MYOF: variants seen among roughly 807,000 people sequenced by gnomAD.
MYOF encodes the protein fer-1-like 3, myoferlin.
A neutral mutation model predicts 284.2 loss-of-function variants in MYOF; 244 were observed. The observed-to-expected ratio is 0.86, with a 90% CI of 0.77 to 0.95. MYOF has a LOEUF of 0.95. MYOF is among the 40% of genes least tolerant of loss of function. The pLI, the probability that MYOF is intolerant of heterozygous loss-of-function variation, is 0.00. For synonymous variants in MYOF, 904 were observed against 919.7 expected (o/e 0.98, Z 0.31); for missense variants, 2,496 against 2,560.6 (o/e 0.97, Z 0.54).
chr10:93,362,099 G>A (rs953142202), intron 27 of MYOF, among the ~76,000 whole-genome samples: 8 of 151,528 alleles, frequency 5.3e-5, no homozygotes, highest in Non-Finnish European at 1.2e-4. Flanking sequence ...ACAGGTGTGC[G>A]CCACCATGCC....
chr10:93,354,666 A>ACTCTCTCTCTCTCTCTCTCT (rs140255016), intron 31 of MYOF, among the ~76,000 whole-genome samples: 4,051 of 118,472 alleles, frequency 0.034, 181 homozygotes, highest in Non-Finnish European at 0.052. Context: ...TCACACATTC[A>ACTCTCTCTCTCTCTCTCTCT]CTCTCTCTCT....
chr10:93,321,762 A>G (rs1266119999), intron 48 of MYOF, among the ~76,000 whole-genome samples: 1 of 152,200 alleles, frequency 6.6e-6, no homozygotes, highest in Non-Finnish European at 1.5e-5. Flanking sequence ...AAGACAAGTC[A>G]AACAGCTCCT....
Position 93,389,294 on chromosome 10 carries a change from A to G in MYOF, c.1457-140T>C, listed in dbSNP as rs868638734. 178 of 905,004 alleles carry G rather than the reference A, an allele frequency of 2.0e-4. 2 individuals are homozygous for G. The Middle Eastern group carries it at 3.4e-3, about 17-fold the overall frequency. The allele number at this position is 905,004 out of a possible 1,614,324, so 56.1% of individuals were successfully genotyped here. A position where few individuals can be genotyped will look rare whatever the true frequency, so the allele number is the denominator to read the frequency against. The stretch of plus-strand genomic sequence containing the variant: ...TGTATTAATGCAAGTTGTAAGCACC[A>G]TGAGGTTTGCCATATTTCTCTTTTC... On this transcript the variant is annotated intron_variant, in intron 17 of 53. Transcript: ENST00000359263.
rs969658025 is a variant in MYOF, at chr10:93,401,470, G to A, written c.1065C>T (p.Leu355=). 6.2e-7 allele frequency: 1 copy of A among 1,614,032 alleles called. No homozygotes were observed. Among genetic ancestry groups the A allele is most frequent in the African/African-American group, 1.3e-5 (1 of 74,908 alleles). The change falls in exon 12 of 54, where the codon CTC becomes CTT. Residue 355 remains leucine, a synonymous_variant. Coordinates refer to ENST00000359263, the MANE Select transcript of MYOF (RefSeq NM_013451.4). The part of the protein sequence containing the change: ...SNLLLPAGIA[L]RWVTFLLKIY... ...TTTTCAGCAAGAAGGTCACCCACCG[G>A]AGGGCAATGCCAGCAGGGAGTAACA...
chr10:93,439,389 G>T (rs934591718), intron 3 of MYOF, among the ~76,000 whole-genome samples: 5 of 152,166 alleles, frequency 3.3e-5, no homozygotes, highest in African/African-American at 7.2e-5. Context: ...TTCTGTGCCT[G>T]CCTGCCTGCC....
intron 17 of MYOF, among the ~76,000 whole-genome samples, chr10:93,390,445 CTTGG>C (rs1304159465): frequency 6.6e-6 from 1 of 152,144 alleles, no homozygotes; most frequent in Non-Finnish European, 1.5e-5. Flanking sequence ...AAGGTTGAGA[CTTGG>C]TAACAGCCTA....
chr10:93,354,195 G>A (rs1380596934), intron 31 of MYOF, among the ~76,000 whole-genome samples: 1 of 152,122 alleles, frequency 6.6e-6, no homozygotes, highest in African/African-American at 2.4e-5. Flanking sequence ...GGTCAACATG[G>A]TGAAAACTTG....
intron 28 of MYOF, 52 bp downstream of exon 28, chr10:93,361,400 A>C: frequency 6.4e-7 from 1 of 1,564,754 alleles, no homozygotes; most frequent in East Asian, 2.3e-5. Flanking sequence ...TATCCTGGTT[A>C]ACCAAGGCCC....
intron 4 of MYOF, among the ~76,000 whole-genome samples, chr10:93,430,345 G>A (rs1848784706): frequency 6.6e-6 from 1 of 151,958 alleles, no homozygotes; most frequent in Admixed American, 6.5e-5. Context: ...ACTTTGGTAG[G>A]TCGAAGTGGG....
At chr10:93,336,833 G>A (rs190369083) in intron 40 of MYOF, among the ~76,000 whole-genome samples, 48 of 148,918 alleles carry the variant, frequency 3.2e-4, no homozygotes, top group Middle Eastern at 3.4e-3. Context: ...AGAAGGGAGG[G>A]AAGGCAGGAA....
At chr10:93,382,939 T>A (rs1247552434) in intron 19 of MYOF, among the ~76,000 whole-genome samples, 1 of 152,188 alleles carries the variant, frequency 6.6e-6, no homozygotes, top group East Asian at 1.9e-4. Flanking sequence ...TCTGTCACCC[T>A]GGCTGGAGTA....
chr10:93,351,059 CCA>C (rs1273749481), intron 35 of MYOF, 136 bp downstream of exon 35: 4 of 890,696 alleles, frequency 4.5e-6, no homozygotes, highest in Non-Finnish European at 7.1e-6. Flanking sequence ...ATGAATACCT[CCA>C]GTTTTTGGAC....
intron 48 of MYOF, 119 bp downstream of exon 48, chr10:93,322,959 A>C: frequency 1.0e-6 from 1 of 976,686 alleles, no homozygotes; most frequent in Non-Finnish European, 1.6e-6. Flanking sequence ...CACATTAATG[A>C]GATAAAATAA....
Position 93,402,282 on chromosome 10 carries a change from C to T in MYOF, c.940G>A (p.Gly314Ser), listed in dbSNP as rs373191266. ...ACAAACATGCTGACTTTCATATAACCTTTAGAACCTGAACTGGTATCTTCC... is the reference window on the plus strand; with the variant it reads ...ACAAACATGCTGACTTTCATATAACTTTTAGAACCTGAACTGGTATCTTCC... ...DPEDTSSGSK[G>S]YMKVSMFVLG... The change falls in exon 11 of 54, where the codon GGT (glycine) becomes AGT (serine). Residue 314 changes from glycine to serine, a missense_variant. This residue lies in a region of MYOF where 2,436 missense variants were observed against 2,480.7 expected (regional missense o/e 0.98). Coordinates refer to ENST00000359263, the MANE Select transcript of MYOF (RefSeq NM_013451.4). 6.2e-7 allele frequency: 1 copy of T among 1,614,084 alleles called. No homozygotes were observed. The highest frequency in any genetic ancestry group is 8.5e-7 in the Non-Finnish European group (1 of 1,180,010).
At chr10:93,443,571 C>G (rs1360375595) in intron 3 of MYOF, among the ~76,000 whole-genome samples, 2 of 151,964 alleles carry the variant, frequency 1.3e-5, no homozygotes, top group Non-Finnish European at 2.9e-5. Context: ...TCTCTAGACT[C>G]CCACCTGCAC....
intron 4 of MYOF, among the ~76,000 whole-genome samples, chr10:93,430,468 G>C (rs1397298930): frequency 2.6e-5 from 4 of 151,380 alleles, no homozygotes; most frequent in African/African-American, 9.7e-5. Context: ...TATAATCCCA[G>C]CTACTCAGGA....
At chr10:93,414,515 G>A (rs1206231259) in intron 5 of MYOF, among the ~76,000 whole-genome samples, 1 of 152,066 alleles carries the variant, frequency 6.6e-6, no homozygotes, top group East Asian at 1.9e-4. Flanking sequence ...CTCCAGCCTG[G>A]GCATCAGAGA....
chr10:93,457,369 G>A (rs2056768292), intron 1 of MYOF, among the ~76,000 whole-genome samples: 1 of 152,214 alleles, frequency 6.6e-6, no homozygotes, highest in African/African-American at 2.4e-5. Flanking sequence ...CAGCTCTGAA[G>A]CTCATGCTGC....
At chr10:93,391,040 C>T (rs866191193) in intron 17 of MYOF, among the ~76,000 whole-genome samples, 38 of 152,318 alleles carry the variant, frequency 2.5e-4, no homozygotes, top group Middle Eastern at 6.8e-3. Flanking sequence ...TTTGGTCTAA[C>T]CTCACTTCTC....
Sources: allele counts gnomAD v4.1 joint callset (sites outside exome capture counted in the v4.1 genomes callset), GRCh38; gene constraint gnomAD v4.1.1; regional missense constraint gnomAD v4.1.1; transcripts MANE v1.5; gene names NCBI Gene and HGNC (gene_info 2026-07-23, HGNC 2026-07-21).